The following VAV3 variants were observed in gnomAD, a reference collection of about 807,000 sequenced individuals.
VAV3 encodes the protein guanine nucleotide exchange factor VAV3.
VAV3 carries 94 observed loss-of-function variants against 131.2 expected under a neutral mutation model. That is an observed-to-expected ratio of 0.72 (90% CI 0.61 to 0.85). The LOEUF is 0.85. Among genes scored for constraint, VAV3 ranks in the 40% least tolerant of loss-of-function variants. The pLI, the probability that VAV3 is intolerant of heterozygous loss-of-function variation, is 0.00. For missense variants in VAV3, 939 were observed against 1,002.7 expected (o/e 0.94, Z 0.86); for synonymous variants, 349 against 342.0 (o/e 1.02, Z -0.22).
chr1:107,748,197 G>A (rs1199212021), intron 15 of VAV3, among the ~76,000 whole-genome samples: 1 of 152,090 alleles, frequency 6.6e-6, no homozygotes, highest in Non-Finnish European at 1.5e-5. Flanking sequence ...GAACCCAAAT[G>A]AAACAAATTC....
chr1:107,961,893 G>A (rs182891366), intron 1 of VAV3, among the ~76,000 whole-genome samples: 5 of 152,222 alleles, frequency 3.3e-5, no homozygotes, highest in Non-Finnish European at 7.4e-5. Flanking sequence ...ATGCAAACAA[G>A]GCAGAAGGCT....
intron 15 of VAV3, among the ~76,000 whole-genome samples, chr1:107,734,198 CT>C (rs1245231279): frequency 6.6e-6 from 1 of 152,174 alleles, no homozygotes; most frequent in Admixed American, 6.5e-5. Context: ...CTTACAAGAG[CT>C]CCTGAAGGAA....
At chr1:107,611,532 T>C (rs1422828660) in intron 21 of VAV3, among the ~76,000 whole-genome samples, 6 of 150,130 alleles carry the variant, frequency 4.0e-5, no homozygotes, top group Non-Finnish European at 7.4e-5. Context: ...TCTTTCCCTC[T>C]CCCTGTGTTC....
chr1:107,638,096 AAT>A lies in VAV3; in HGVS notation c.1914+4521_1914+4522del, dbSNP rs1274156785. ...AGGGCATTTATGAGAAACTACAGATAATGTCATACTTAATGGTAAGAGACTTA... is the reference window on the plus strand; with the variant it reads ...AGGGCATTTATGAGAAACTACAGATAGTCATACTTAATGGTAAGAGACTTA... On this transcript the variant is annotated intron_variant, in intron 20 of 26. Coordinates refer to ENST00000370056, the MANE Select transcript of VAV3 (RefSeq NM_006113.5). Among the ~76,000 whole-genome samples, 12 of 152,196 alleles carry A rather than the reference AAT, an allele frequency of 7.9e-5. 1 individual carries two copies. Among genetic ancestry groups the A allele is most frequent in the Admixed American group, 7.2e-4 (11 of 15,270 alleles).
At chr1:107,620,217 C>G (rs1653460287) in intron 20 of VAV3, among the ~76,000 whole-genome samples, 1 of 152,132 alleles carries the variant, frequency 6.6e-6, no homozygotes, top group South Asian at 2.1e-4. Context: ...GGAGATATAA[C>G]TCAATCTGAT....
At chr1:107,579,507 C>T (rs1038690340) in intron 25 of VAV3, among the ~76,000 whole-genome samples, 6 of 152,194 alleles carry the variant, frequency 3.9e-5, no homozygotes, top group African/African-American at 1.4e-4. Context: ...CCCTCCTTGT[C>T]GCCTTTCTAA....
chr1:107,882,619 C>G (rs1163402992), intron 1 of VAV3, among the ~76,000 whole-genome samples: 3 of 151,926 alleles, frequency 2.0e-5, no homozygotes, highest in East Asian at 1.9e-4. Context: ...TATTTCTGTC[C>G]CTTTCACCAT....
rs1665119110 is a variant in VAV3 at position 107,772,745 on chromosome 1, G to A, written c.545C>T (p.Ala182Val). 2 of 1,612,874 alleles carry A rather than the reference G, an allele frequency of 1.2e-6. No individual in the cohort carries two copies. Among genetic ancestry groups the A allele is most frequent in the Non-Finnish European group, 8.5e-7 (1 of 1,179,264 alleles). ...AAGTAAAAGTCCTACGGGCTGATGT[G>A]CTTCCTCTGCCTTCATTAAGTCCTC... ...VYEDLMKAEE[A>V]HQPKCPENDI... Residue 182 changes from alanine (A) to valine (V), a missense_variant, in exon 5 of 27, where the codon GCA (alanine) becomes GTA (valine). Ala to Val is a moderately conservative substitution (Grantham distance 64). Transcript: ENST00000370056.
At chr1:107,928,544 A>AT (rs1438848661) in intron 1 of VAV3, among the ~76,000 whole-genome samples, 2 of 152,248 alleles carry the variant, frequency 1.3e-5, no homozygotes, top group African/African-American at 4.8e-5. Context: ...ATTCTATCAG[A>AT]TAAATTTAAC....
At chr1:107,629,516 C>G (rs1261857110) in intron 20 of VAV3, among the ~76,000 whole-genome samples, 2 of 152,118 alleles carry the variant, frequency 1.3e-5, no homozygotes, top group Admixed American at 6.6e-5. Context: ...AAAAACTATG[C>G]CTTACACCTG....
At chr1:107,649,568 TTTG>T (rs1656004504) in intron 19 of VAV3, among the ~76,000 whole-genome samples, 1 of 152,078 alleles carries the variant, frequency 6.6e-6, no homozygotes, top group Non-Finnish European at 1.5e-5. Flanking sequence ...TGGCTTTTTT[TTTG>T]TTGTTGTTAA....
chr1:107,586,984 T>C (rs962807247), intron 25 of VAV3, among the ~76,000 whole-genome samples: 2 of 152,132 alleles, frequency 1.3e-5, no homozygotes, highest in Non-Finnish European at 2.9e-5. Context: ...AAGCAAAGCC[T>C]GATGATGACT....
intron 15 of VAV3, among the ~76,000 whole-genome samples, chr1:107,732,990 T>A (rs900230453): frequency 1.3e-5 from 2 of 152,162 alleles, no homozygotes; most frequent in African/African-American, 4.8e-5. Flanking sequence ...TACAGCCAGA[T>A]GCCCCTCTGA....
chr1:107,732,916 G>T (rs1662346415), intron 15 of VAV3, among the ~76,000 whole-genome samples: 1 of 152,176 alleles, frequency 6.6e-6, no homozygotes, highest in Non-Finnish European at 1.5e-5. Flanking sequence ...TCCTCAAGTG[G>T]GTCCCTGACC....
chr1:107,884,848 T>C (rs1670958599), intron 1 of VAV3, among the ~76,000 whole-genome samples: 2 of 152,062 alleles, frequency 1.3e-5, no homozygotes, highest in Non-Finnish European at 2.9e-5. Context: ...ACTTAGGGCA[T>C]GGAAAATAAG....
At chr1:107,660,695 T>C (rs752559304) in intron 19 of VAV3, among the ~76,000 whole-genome samples, 12 of 152,346 alleles carry the variant, frequency 7.9e-5, no homozygotes, top group Non-Finnish European at 1.6e-4. Flanking sequence ...ACTATGCATA[T>C]TAATTTTTTT....
chr1:107,665,472 C>T (rs139478383), intron 19 of VAV3, among the ~76,000 whole-genome samples: 148 of 152,284 alleles, frequency 9.7e-4, no homozygotes, highest in Non-Finnish European at 1.8e-3. Flanking sequence ...TGGTACAGCA[C>T]TGCTAAACAC....
intron 2 of VAV3, among the ~76,000 whole-genome samples, chr1:107,829,986 T>C (rs1003144241): frequency 1.3e-5 from 2 of 152,190 alleles, no homozygotes; most frequent in Non-Finnish European, 2.9e-5. Flanking sequence ...TGAAACAGTA[T>C]ATAGAAGCAC....
At position 107,751,192 on chromosome 1, in the gene VAV3, A is replaced by G. The variant is rs772992671; in HGVS notation, c.1184T>C (p.Val395Ala). Residue 395 changes from valine (V) to alanine (A), a missense_variant, in exon 13 of 27, where the codon GTT becomes GCT. Coordinates refer to ENST00000370056, the MANE Select transcript of VAV3 (RefSeq NM_006113.5). The stretch of plus-strand genomic sequence containing the variant: ...TCCCTGAGGTCGTCCAAAAAGCAAA[A>G]CTGGTTGGTTCTAAAATATAAAATG... Reference protein sequence around the residue: ...QLSIENLNQPVLLFGRPQGDG... With the variant: ...QLSIENLNQPALLFGRPQGDG... The G allele has an allele frequency of 2.5e-6, 4 of 1,612,338 alleles. No individual in the cohort carries two copies. Among genetic ancestry groups the G allele is most frequent in the East Asian group, 4.5e-5 (2 of 44,804 alleles).
Sources: gnomAD v4.1 joint callset for allele counts (sites outside exome capture counted in the v4.1 genomes callset) on GRCh38, gnomAD v4.1.1 for gene constraint, MANE v1.5 for transcripts, NCBI Gene and HGNC (gene_info 2026-07-23, HGNC 2026-07-21) for gene names.